Variants in EPS15 observed in about 807,000 individuals in gnomAD.
The protein encoded by EPS15 is epidermal growth factor receptor substrate 15.
In EPS15, 72 loss-of-function variants were observed where a neutral mutation model predicts 113.8. The observed-to-expected ratio is 0.63, with a 90% CI of 0.52 to 0.77. The LOEUF is 0.77. Ranked by LOEUF, EPS15 falls within the 30% of genes least tolerant of loss-of-function variation. The pLI is 0.00. For missense variants in EPS15, 1,048 were observed against 1,045.8 expected (o/e 1.00, Z -0.03); for synonymous variants, 344 against 363.4 (o/e 0.95, Z 0.61).
chr1:51,397,672 T>A (rs1648091933), intron 20 of EPS15, among the ~76,000 whole-genome samples: 1 of 152,196 alleles, frequency 6.6e-6, no homozygotes, highest in Admixed American at 6.5e-5. Context: ...CAGTTTTTAT[T>A]CAATGGAAAA....
chr1:51,415,977 C>G (rs1471041089), intron 13 of EPS15, among the ~76,000 whole-genome samples: 1 of 151,886 alleles, frequency 6.6e-6, no homozygotes, highest in Admixed American at 6.6e-5. Flanking sequence ...AGGCTACCAC[C>G]ATCACAATGC....
At chr1:51,511,999 T>A (rs774459895) in intron 1 of EPS15, among the ~76,000 whole-genome samples, 1 of 152,236 alleles carries the variant, frequency 6.6e-6, no homozygotes, top group Non-Finnish European at 1.5e-5. Context: ...GCCCAACTTT[T>A]ATTTTTTAAT....
chr1:51,490,674 G>A (rs567538436), intron 1 of EPS15, among the ~76,000 whole-genome samples: 50 of 151,974 alleles, frequency 3.3e-4, no homozygotes, highest in Admixed American at 4.6e-4. Context: ...CTAGGGAGTC[G>A]TCAGTAAATA....
At chr1:51,394,475 G>T (rs748012658) in intron 20 of EPS15, 28 bp from the exon 21 acceptor site, 11 of 1,493,536 alleles carry the variant, frequency 7.4e-6, no homozygotes, top group East Asian at 2.3e-5. Flanking sequence ...AACCATGAAT[G>T]AGAGAGGCAA....
chr1:51,369,583 A>G (rs1646596933), intron 21 of EPS15, among the ~76,000 whole-genome samples: 1 of 152,218 alleles, frequency 6.6e-6, no homozygotes, highest in Admixed American at 6.5e-5. Context: ...TCACTATCAG[A>G]AATAACCCTT....
chr1:51,490,870 A>C (rs906023321), intron 1 of EPS15, among the ~76,000 whole-genome samples: 2 of 152,218 alleles, frequency 1.3e-5, no homozygotes, highest in African/African-American at 4.8e-5. Flanking sequence ...GGCAAAATTT[A>C]AATAAGGTCT....
At chr1:51,514,082 C>T (rs1644672848) in intron 1 of EPS15, among the ~76,000 whole-genome samples, 1 of 152,068 alleles carries the variant, frequency 6.6e-6, no homozygotes, top group Non-Finnish European at 1.5e-5. Context: ...TTCTTCTACG[C>T]ATGCTTAACT....
intron 1 of EPS15, among the ~76,000 whole-genome samples, chr1:51,508,248 A>AAGAG (rs151142424): frequency 2.4e-4 from 25 of 103,936 alleles, no homozygotes; most frequent in South Asian, 6.2e-4. Flanking sequence ...GAAAGAGAGA[A>AAGAG]AGAGAGAGAG....
At chr1:51,486,343 T>C (rs1644121803) in intron 1 of EPS15, among the ~76,000 whole-genome samples, 2 of 151,116 alleles carry the variant, frequency 1.3e-5, no homozygotes, top group Admixed American at 1.3e-4. Context: ...CAGAATTGCT[T>C]TAAGCCAGGA....
intron 1 of EPS15, among the ~76,000 whole-genome samples, chr1:51,508,923 C>T (rs898443137): frequency 6.6e-6 from 1 of 152,138 alleles, no homozygotes; most frequent in African/African-American, 2.4e-5. Context: ...TTTAAATATC[C>T]TCTACAGTAA....
chr1:51,375,004 T>C (rs891139246), intron 21 of EPS15, among the ~76,000 whole-genome samples: 1 of 138,260 alleles, frequency 7.2e-6, no homozygotes. Context: ...TTCTTTTTTT[T>C]TTTTTTTTTT....
intron 24 of EPS15, among the ~76,000 whole-genome samples, chr1:51,357,391 A>AAAAAAAAATAT (rs1491245303): frequency 1.5e-5 from 1 of 65,714 alleles, no homozygotes; most frequent in African/African-American, 7.0e-5. Context: ...AAAAAAAAAA[A>AAAAAAAAATAT]ATATATATAT....
At chr1:51,461,579 G>C (rs1214618051) in intron 7 of EPS15, 2 of 137,906 alleles carry the variant, frequency 1.5e-5, no homozygotes, top group African/African-American at 5.3e-5. Context: ...ATGGAGATAA[G>C]CAAGTGTCTG....
chr1:51,376,030 A>G (rs1570122550), intron 21 of EPS15, among the ~76,000 whole-genome samples: 1 of 152,384 alleles, frequency 6.6e-6, no homozygotes, highest in Middle Eastern at 3.4e-3. Context: ...AGGTGGCTAC[A>G]CTAAACAACA....
At chr1:51,468,956 C>T (rs994759079) in intron 4 of EPS15, among the ~76,000 whole-genome samples, 1 of 151,932 alleles carries the variant, frequency 6.6e-6, no homozygotes, top group African/African-American at 2.4e-5. Flanking sequence ...GGAGAAACCC[C>T]GTCTCTCTAC....
At chr1:51,443,437 T>G (rs959578478) in intron 11 of EPS15, among the ~76,000 whole-genome samples, 1 of 152,204 alleles carries the variant, frequency 6.6e-6, no homozygotes, top group South Asian at 2.1e-4. Context: ...GGCATCACTT[T>G]CAGCCTTTTC....
chr1:51,449,553 A>G (rs769642541), intron 8 of EPS15, among the ~76,000 whole-genome samples: 1 of 152,006 alleles, frequency 6.6e-6, no homozygotes, highest in Non-Finnish European at 1.5e-5. Context: ...AAACCTGTAC[A>G]TGTACCCCTG....
chr1:51,404,162 C>T (rs755616755), intron 16 of EPS15, among the ~76,000 whole-genome samples: 1 of 152,028 alleles, frequency 6.6e-6, no homozygotes, highest in Non-Finnish European at 1.5e-5. Context: ...CTGGCTAACA[C>T]GGTGAAACCC....
chr1:51,407,988 G>C, intron 15 of EPS15, 147 bp downstream of exon 15: 1 of 675,024 alleles, frequency 1.5e-6, no homozygotes, highest in East Asian at 2.6e-5. Flanking sequence ...ATATATAACA[G>C]GTGACAAAAA....
Sources: allele counts gnomAD v4.1 joint callset (sites outside exome capture counted in the v4.1 genomes callset), GRCh38; gene constraint gnomAD v4.1.1; transcripts MANE v1.5; gene names NCBI Gene and HGNC (gene_info 2026-07-23, HGNC 2026-07-21).